WWOX: variants seen among roughly 807,000 people sequenced by gnomAD.
The protein encoded by WWOX is WW domain containing oxidoreductase.
A neutral mutation model predicts 46.2 loss-of-function variants in WWOX; 69 were observed. The ratio of observed to expected loss-of-function variants is 1.49; its 90% CI spans 1.23 to 1.82. WWOX has a LOEUF of 1.82. WWOX is among the 40% of genes most tolerant of loss of function. The pLI, the probability that WWOX is intolerant of heterozygous loss-of-function variation, is 0.00. For missense variants in WWOX, 919 were observed against 542.6 expected, an observed-to-expected ratio of 1.69 and a Z score of -6.89; for synonymous variants, 359 against 202.6, an observed-to-expected ratio of 1.77 and a Z score of -6.56.
intron 8 of WWOX, among the ~76,000 whole-genome samples, chr16:78,569,498 G>A (rs1036883556): frequency 3.9e-5 from 6 of 152,162 alleles, no homozygotes; most frequent in Non-Finnish European, 5.9e-5. Context: ...GATTCTTTTC[G>A]TAACTGCAAT....
intron 8 of WWOX, among the ~76,000 whole-genome samples, chr16:78,581,970 T>C (rs1331100891): frequency 1.3e-5 from 2 of 152,212 alleles, no homozygotes; most frequent in Non-Finnish European, 2.9e-5. Context: ...TTGACAAATA[T>C]GTCAGGTATA....
Position 79,200,858 on chromosome 16 carries a change from C to T in WWOX, c.1057-10750C>T, listed in dbSNP as rs9929834. On this transcript the variant is annotated intron_variant, in intron 8 of 8. Transcript: ENST00000566780. ...GCCAGGTGACAGGCGAGTCTCTATA[C>T]GGCAGGCCCAAAAAATGGAGGTGCA... Among the ~76,000 whole-genome samples, 499 of 152,228 alleles carry T rather than the reference C, an allele frequency of 3.3e-3. 2 individuals carry two copies. The highest frequency in any genetic ancestry group is 0.011 in the African/African-American group (445 of 41,534).
intron 8 of WWOX, among the ~76,000 whole-genome samples, chr16:79,033,166 A>T (rs183761597): frequency 2.0e-5 from 3 of 146,512 alleles, no homozygotes; most frequent in African/African-American, 7.4e-5. Context: ...TATATATATA[A>T]AATATATATT....
At chr16:78,855,089 C>T (rs1039780669) in intron 8 of WWOX, among the ~76,000 whole-genome samples, 1 of 151,960 alleles carries the variant, frequency 6.6e-6, no homozygotes, top group African/African-American at 2.4e-5. Flanking sequence ...TGGGGACCAC[C>T]CCCCAATTAT....
chr16:78,889,775 CG>C (rs1229000698), intron 8 of WWOX, among the ~76,000 whole-genome samples: 1 of 152,078 alleles, frequency 6.6e-6, no homozygotes, highest in African/African-American at 2.4e-5. Flanking sequence ...TGTTCCGCCT[CG>C]ATCACAACAG....
chr16:79,037,031 C>T (rs1018686613), intron 8 of WWOX, among the ~76,000 whole-genome samples: 3 of 152,166 alleles, frequency 2.0e-5, no homozygotes, highest in Admixed American at 1.3e-4. Context: ...TTTGTTGTTA[C>T]TGCTTCTCAG....
chr16:78,144,332 G>A (rs1215701285), intron 4 of WWOX, among the ~76,000 whole-genome samples: 1 of 148,224 alleles, frequency 6.7e-6, no homozygotes, highest in African/African-American at 2.5e-5. Context: ...CAGCTCACAT[G>A]GAGAGCCTTT....
intron 5 of WWOX, among the ~76,000 whole-genome samples, chr16:78,204,007 C>A (rs138887173): frequency 3.7e-4 from 57 of 152,204 alleles, no homozygotes; most frequent in Non-Finnish European, 6.8e-4. Context: ...TTGGACATGG[C>A]GGTGTGGCCA....
chr16:78,825,505 G>C, intron 8 of WWOX: 1 of 491,192 alleles, frequency 2.0e-6, no homozygotes, highest in Non-Finnish European at 4.1e-6. Context: ...GTTCAGAAGA[G>C]ATTTGGCTTC....
At chr16:78,272,950 C>T (rs1269733844) in intron 5 of WWOX, among the ~76,000 whole-genome samples, 1 of 152,128 alleles carries the variant, frequency 6.6e-6, no homozygotes, top group African/African-American at 2.4e-5. Flanking sequence ...ATTAGGGTCT[C>T]ATTTCCAAAA....
At chr16:78,372,255 C>G (rs1261826738) in intron 5 of WWOX, among the ~76,000 whole-genome samples, 2 of 152,132 alleles carry the variant, frequency 1.3e-5, no homozygotes, top group Non-Finnish European at 2.9e-5. Context: ...GTCTCAAAAT[C>G]CCATTTAATT....
chr16:78,157,425 G>A (rs796553689), intron 4 of WWOX, among the ~76,000 whole-genome samples: 5 of 152,242 alleles, frequency 3.3e-5, no homozygotes, highest in African/African-American at 1.2e-4. Flanking sequence ...GGTATCACAG[G>A]TAAAAATGAG....
intron 8 of WWOX, among the ~76,000 whole-genome samples, chr16:78,932,206 G>T (rs557749903): frequency 6.6e-6 from 1 of 152,310 alleles, no homozygotes; most frequent in Admixed American, 6.5e-5. Flanking sequence ...TGGAGGGGTA[G>T]CTCTTTTTCT....
At chr16:78,543,282 T>C (rs1011370410) in intron 8 of WWOX, among the ~76,000 whole-genome samples, 1 of 152,140 alleles carries the variant, frequency 6.6e-6, no homozygotes, top group Non-Finnish European at 1.5e-5. Flanking sequence ...CTTGGCTGCC[T>C]ACTGGCTAGG....
chr16:78,518,901 C>A (rs893250794), intron 8 of WWOX, among the ~76,000 whole-genome samples: 1 of 152,174 alleles, frequency 6.6e-6, no homozygotes, highest in Non-Finnish European at 1.5e-5. Context: ...TTGGTACTCA[C>A]GGGTGTTATG....
intron 8 of WWOX, among the ~76,000 whole-genome samples, chr16:79,111,523 C>T (rs1289737188): frequency 1.3e-5 from 2 of 152,170 alleles, no homozygotes; most frequent in African/African-American, 2.4e-5. Flanking sequence ...AATGAATAGT[C>T]ATCATGGTTT....
At chr16:79,066,272 C>T (rs1270523658) in intron 8 of WWOX, among the ~76,000 whole-genome samples, 1 of 152,186 alleles carries the variant, frequency 6.6e-6, no homozygotes, top group Non-Finnish European at 1.5e-5. Context: ...TATCCTCAGT[C>T]ATGAGGCCCT....
chr16:79,070,347 A>G (rs145174914), intron 8 of WWOX, among the ~76,000 whole-genome samples: 81 of 151,224 alleles, frequency 5.4e-4, no homozygotes, highest in Middle Eastern at 3.5e-3. Context: ...AGCTGAGATT[A>G]CTGTTGAGAA....
At chr16:78,894,146 C>A (rs1408750656) in intron 8 of WWOX, among the ~76,000 whole-genome samples, 1 of 151,794 alleles carries the variant, frequency 6.6e-6, no homozygotes, top group Non-Finnish European at 1.5e-5. Context: ...TCAAGCAATC[C>A]TCCCACCTCA....
Sources: allele counts gnomAD v4.1 joint callset (sites outside exome capture counted in the v4.1 genomes callset), GRCh38; gene constraint gnomAD v4.1.1; transcripts MANE v1.5; gene names NCBI Gene and HGNC (gene_info 2026-07-23, HGNC 2026-07-21).